THOC2: variants seen among roughly 807,000 people sequenced by gnomAD.
THOC2 encodes THO complex 2.
THOC2 carries 10 observed loss-of-function variants against 128.4 expected under a neutral mutation model. That is an observed-to-expected ratio of 0.08 (90% CI 0.05 to 0.13). The LOEUF (loss-of-function observed/expected upper bound fraction) is 0.13. Among genes scored for constraint, THOC2 ranks in the 10% least tolerant of loss-of-function variants. The probability of loss-of-function intolerance (pLI) is 1.00; values close to 1 mark genes in which losing one functional copy is unlikely to be tolerated. For synonymous variants in THOC2, 393 were observed against 396.9 expected (o/e 0.99, Z 0.12); for missense variants, 535 against 1,155.7 (o/e 0.46, Z 7.79).
At chrX:123,603,205 A>G (rs1469258536) in intron 38 of THOC2, 1 of 119,725 alleles carries the variant, frequency 8.4e-6, no homozygotes, top group East Asian at 2.6e-4. Context: ...AATTTTGGTG[A>G]CACATTTAAG....
At position 123,613,513 on chromosome X, in the gene THOC2, A is replaced by C; in HGVS notation, c.4563T>G (p.Pro1521=). The C allele has an allele frequency of 6.6e-6, 8 of 1,209,796 alleles. No individual in the cohort carries two copies. The highest frequency in any genetic ancestry group is 2.3e-4 in the Middle Eastern group (1 of 4,349). ...KHKSESPCES[P]YPNEKDKEKN... is the part of the protein sequence containing the mutation. ...TTTCCTTGTCTTTCTCATTTGGATA[A>C]GGAGATTCACAAGGACTTTCACTTT... Residue 1521 remains proline (P), a synonymous_variant, in exon 36 of 39, where the codon CCT becomes CCG. Coordinates refer to ENST00000245838, the MANE Select transcript of THOC2 (RefSeq NM_001081550.2).
At chrX:123,715,019 CTT>C (rs368332983) in intron 1 of THOC2, among the ~76,000 whole-genome samples, 30 of 83,488 alleles carry the variant, frequency 3.6e-4, no homozygotes, top group African/African-American at 5.5e-4. Context: ...GCAATAAAGG[CTT>C]TTTTTTTTTT....
At chrX:123,656,716 A>T (rs1338567716) in intron 12 of THOC2, among the ~76,000 whole-genome samples, 1 of 110,502 alleles carries the variant, frequency 9.0e-6, no homozygotes, top group Non-Finnish European at 1.9e-5. Context: ...TCTCAAAAAA[A>T]CAAAGGCGGG....
At chrX:123,660,720 T>C (rs1173582304) in intron 12 of THOC2, among the ~76,000 whole-genome samples, 3 of 112,498 alleles carry the variant, frequency 2.7e-5, no homozygotes, top group Non-Finnish European at 5.6e-5. Context: ...CCTTTCTAAA[T>C]TTCTTTAAAT....
Position 123,686,551 on chromosome X carries a change from G to T in THOC2, c.765C>A (p.Tyr255Ter). 1 of 1,187,420 alleles carries T rather than the reference G, an allele frequency of 8.4e-7. No homozygotes were observed. Among genetic ancestry groups the T allele is most frequent in the Admixed American group, 2.3e-5 (1 of 44,256 alleles). ...CHILGFKFKF[Y>*]QEPNGETPSS... ...ATACATACACGTTTTTCTTTACCTG[G>T]TAAAACTTGAATTTGAACCCAAGAA... The change falls in exon 8 of 39, where the codon TAC (tyrosine) becomes TAA (stop). Residue 255 changes from tyrosine (Y) to a stop codon, truncating the protein, a stop_gained. Transcript: ENST00000245838. LOFTEE classifies it high-confidence loss of function.
chrX:123,664,383 C>T (rs1299739041), intron 12 of THOC2, among the ~76,000 whole-genome samples: 4 of 112,310 alleles, frequency 3.6e-5, no homozygotes, highest in Non-Finnish European at 5.6e-5. Flanking sequence ...AGAGCTTCTG[C>T]ACAGCAAAAG....
At chrX:123,614,996 C>T (rs1415358726) in intron 33 of THOC2, among the ~76,000 whole-genome samples, 1 of 111,709 alleles carries the variant, frequency 9.0e-6, no homozygotes, top group Non-Finnish European at 1.9e-5. Flanking sequence ...AGAGATAACC[C>T]TTCTTAGGTG....
intron 9 of THOC2, 137 bp downstream of exon 9, chrX:123,671,532 A>T: frequency 3.0e-6 from 1 of 336,216 alleles, no homozygotes; most frequent in Non-Finnish European, 5.4e-6. Context: ...ACAAATCAAC[A>T]ATGTATTGGG....
At position 123,719,366 on chromosome X, in the gene THOC2, T is replaced by C. The variant is rs188344503; in HGVS notation, c.72-6458A>G. Among the ~76,000 whole-genome samples, 29 of 110,543 alleles carry C rather than the reference T, an allele frequency of 2.6e-4. 1 individual carries two copies. The East Asian group carries it at 5.4e-3, about 21-fold the overall frequency. ...CTCACACCTGTCAGAATGGCTATTA[T>C]CAAAAAGACAAAAAATAAGTATCGA... is the stretch of plus-strand genomic sequence containing the variant. On this transcript the variant is annotated intron_variant, in intron 1 of 38. Coordinates refer to ENST00000245838, the MANE Select transcript of THOC2 (RefSeq NM_001081550.2).
At chrX:123,673,851 T>C (rs1204068135) in intron 8 of THOC2, among the ~76,000 whole-genome samples, 1 of 111,628 alleles carries the variant, frequency 9.0e-6, no homozygotes, top group East Asian at 2.8e-4. Context: ...TTTTTGCTTG[T>C]TATTGTTGCT....
intron 12 of THOC2, among the ~76,000 whole-genome samples, chrX:123,660,877 C>G (rs765383782): frequency 3.6e-5 from 4 of 112,105 alleles, no homozygotes; most frequent in South Asian, 3.7e-4. Flanking sequence ...TACAACACTA[C>G]TCACAACAGC....
chrX:123,691,248 C>G lies in THOC2; in HGVS notation c.602-4534G>C, dbSNP rs1053499001. Among the ~76,000 whole-genome samples the G allele has an allele frequency of 2.7e-5, 3 of 111,287 alleles. No individual in the cohort carries two copies. In the South Asian group the frequency reaches 1.1e-3, roughly 42 times the overall value. ...AAAATAAATAACAACAACAAAAAACCCCTATAGTTGGAAACACTAATTGCT... is the reference window on the plus strand; with the variant it reads ...AAAATAAATAACAACAACAAAAAACGCCTATAGTTGGAAACACTAATTGCT... On this transcript the variant is annotated intron_variant, in intron 7 of 38. Transcript: ENST00000245838.
At chrX:123,658,158 G>A (rs999688638) in intron 12 of THOC2, among the ~76,000 whole-genome samples, 2 of 110,762 alleles carry the variant, frequency 1.8e-5, no homozygotes, top group Non-Finnish European at 3.8e-5. Context: ...GCAAACTGTG[G>A]GGTAATCACT....
At chrX:123,710,904 C>T (rs1483743182) in intron 2 of THOC2, among the ~76,000 whole-genome samples, 2 of 102,901 alleles carry the variant, frequency 1.9e-5, no homozygotes, top group African/African-American at 7.0e-5. Context: ...GCAGGAGAAT[C>T]GCTTGAACCT....
intron 2 of THOC2, among the ~76,000 whole-genome samples, chrX:123,708,032 T>C (rs925864003): frequency 4.6e-5 from 5 of 108,459 alleles, no homozygotes; most frequent in Admixed American, 4.0e-4. Flanking sequence ...CTCAGGAGGC[T>C]GAGGCGGGAA....
At chrX:123,622,378 C>T (rs927209799) in intron 30 of THOC2, among the ~76,000 whole-genome samples, 2 of 112,457 alleles carry the variant, frequency 1.8e-5, no homozygotes, top group Non-Finnish European at 3.7e-5. Context: ...CTACATTCCC[C>T]TGAATATCCC....
intron 8 of THOC2, among the ~76,000 whole-genome samples, chrX:123,673,820 G>A (rs2049377122): frequency 8.9e-6 from 1 of 111,996 alleles, no homozygotes; most frequent in Admixed American, 9.5e-5. Context: ...TACCAGGCCT[G>A]GAGGTGATGT....
chrX:123,638,202 G>C, intron 17 of THOC2, 79 bp from the exon 18 acceptor site: 1 of 590,249 alleles, frequency 1.7e-6, no homozygotes, highest in African/African-American at 2.3e-5. Context: ...ACATCATAGG[G>C]GCAAAATTGT....
chrX:123,703,573 AACACT>A, intron 3 of THOC2, 68 bp from the exon 4 acceptor site: 2 of 724,329 alleles, frequency 2.8e-6, no homozygotes, highest in Non-Finnish European at 4.2e-6. Context: ...GTTTCATAAT[AACACT>A]CTTCTGTGAA....
Sources: gnomAD v4.1 joint callset for allele counts (sites outside exome capture counted in the v4.1 genomes callset) on GRCh38, gnomAD v4.1.1 for gene constraint, MANE v1.5 for transcripts, NCBI Gene and HGNC (gene_info 2026-07-23, HGNC 2026-07-21) for gene names.